SSC4D: variants seen among roughly 807,000 people sequenced by gnomAD.
SSC4D encodes the protein scavenger receptor cysteine rich family member with 4 domains, also known as scavenger receptor cysteine-rich domain-containing group B protein.
SSC4D carries 57 observed loss-of-function variants against 63.4 expected under a neutral mutation model. The ratio of observed to expected loss-of-function variants is 0.90; its 90% CI spans 0.73 to 1.12. The LOEUF is 1.12. Ranked by LOEUF, SSC4D falls within the 50% of genes most tolerant of loss-of-function variation. The probability of loss-of-function intolerance (pLI) is 0.00; values close to 1 mark genes in which losing one functional copy is unlikely to be tolerated. For missense variants in SSC4D, 791 were observed against 806.4 expected (o/e 0.98, Z 0.23); for synonymous variants, 352 against 345.4 (o/e 1.02, Z -0.21).
intron 1 of SSC4D, among the ~76,000 whole-genome samples, chr7:76,408,392 G>A (rs1279543633): frequency 6.6e-6 from 1 of 152,120 alleles, no homozygotes; most frequent in Non-Finnish European, 1.5e-5. Flanking sequence ...CCATGAGGAG[G>A]GGGAAAGACA....
At chr7:76,398,664 G>A in intron 5 of SSC4D, 56 bp downstream of exon 5, 5 of 1,538,514 alleles carry the variant, frequency 3.2e-6, no homozygotes, top group South Asian at 1.1e-5. Context: ...CCTAGGGTAG[G>A]GTGTGAGAGA....
rs867255740 is a variant in SSC4D at position 76,400,412 on chromosome 7, G to A, written c.349C>T (p.Arg117Ter). Residue 117 changes from arginine to a stop codon, truncating the protein, a stop_gained, in exon 4 of 11, where the codon CGA (arginine) becomes TGA (stop). Coordinates refer to ENST00000275560, the MANE Select transcript of SSC4D (RefSeq NM_080744.2). LOFTEE classifies it high-confidence loss of function. ...ACGTTGTCCAGCAGGATGGGGCCTCGGCCTTGGCCAAAGGCAAGGGGCCGT... is the reference window on the plus strand; with the variant it reads ...ACGTTGTCCAGCAGGATGGGGCCTCAGCCTTGGCCAAAGGCAAGGGGCCGT... ...VPRPLAFGQG[R>*]GPILLDNVEC... The A allele has an allele frequency of 1.1e-5, 18 of 1,603,530 alleles. No homozygotes were observed. Among genetic ancestry groups the A allele is most frequent in the Admixed American group, 1.7e-5 (1 of 59,140 alleles).
At chr7:76,393,379 A>C (rs1355652011) in intron 9 of SSC4D, 26 bp downstream of exon 9, 2 of 1,324,242 alleles carry the variant, frequency 1.5e-6, no homozygotes, top group Middle Eastern at 2.9e-4. Context: ...CCCCGCTGTC[A>C]GCCTCACCTT....
chr7:76,400,750 C>T, intron 3 of SSC4D, among the ~76,000 whole-genome samples, 159 bp from the exon 4 acceptor site: 1 of 152,202 alleles, frequency 6.6e-6, no homozygotes. Flanking sequence ...TCAAGTGATC[C>T]TCCTGCCTTG....
chr7:76,403,695 T>C (rs1192098337), intron 2 of SSC4D, among the ~76,000 whole-genome samples: 3 of 145,474 alleles, frequency 2.1e-5, no homozygotes, highest in African/African-American at 5.1e-5. Context: ...AGAGTCTCGC[T>C]CTGTCACCCA....
Position 76,397,730 on chromosome 7 carries a change from C to A in SSC4D, c.656G>T (p.Gly219Val), listed in dbSNP as rs1804686702. The stretch of plus-strand genomic sequence containing the variant: ...ACAGACCACAGCGGCATCCGGCAGC[C>A]CCCAGTCGTCGTCACACACGGTGCC... The part of the protein sequence containing the change: ...LWGTVCDDDW[G>V]LPDAAVVCRQ... Residue 219 changes from glycine (G) to valine (V), a missense_variant, in exon 6 of 11, where the codon GGG becomes GTG. Transcript: ENST00000275560. 1 of 1,613,252 alleles carries A rather than the reference C, an allele frequency of 6.2e-7. No individual in the cohort carries two copies. The highest frequency in any genetic ancestry group is 8.5e-7 in the Non-Finnish European group (1 of 1,179,822).
chr7:76,398,839 C>T (rs756738809), intron 4 of SSC4D, 42 bp from the exon 5 acceptor site: 1 of 1,601,776 alleles, frequency 6.2e-7, no homozygotes, highest in Non-Finnish European at 8.5e-7. Flanking sequence ...TTTCTGTTCT[C>T]CATCCTCACA....
At chr7:76,405,401 C>T (rs1584033776) in intron 1 of SSC4D, among the ~76,000 whole-genome samples, 1 of 105,178 alleles carries the variant, frequency 9.5e-6, no homozygotes, top group African/African-American at 3.7e-5. Flanking sequence ...AGGCTGGTTT[C>T]GAACTCCTGA....
At chr7:76,401,583 A>G (rs111797642) in intron 2 of SSC4D, among the ~76,000 whole-genome samples, 7,668 of 151,996 alleles carry the variant, frequency 0.05, 575 homozygotes, top group African/African-American at 0.17. Context: ...AGTCCAGCTA[A>G]TTTTTGTATT....
At chr7:76,395,850 C>G (rs1387122854) in intron 6 of SSC4D, among the ~76,000 whole-genome samples, 1 of 152,236 alleles carries the variant, frequency 6.6e-6, no homozygotes, top group Non-Finnish European at 1.5e-5. Flanking sequence ...TGCCAGCACG[C>G]CTGGCTAATT....
At chr7:76,406,849 G>C (rs6958115) in intron 1 of SSC4D, among the ~76,000 whole-genome samples, 64,253 of 151,532 alleles carry the variant, frequency 0.42, 13,808 homozygotes, top group South Asian at 0.53. Context: ...GCAGCGTTTA[G>C]TCTCTCAGAC....
intron 1 of SSC4D, among the ~76,000 whole-genome samples, chr7:76,407,231 A>C (rs548341918): frequency 1.3e-5 from 2 of 152,278 alleles, no homozygotes; most frequent in East Asian, 3.9e-4. Context: ...AAAGTGCTGG[A>C]ATTACAGGTG....
intron 9 of SSC4D, among the ~76,000 whole-genome samples, chr7:76,393,015 T>G (rs1330945323): frequency 1.3e-5 from 2 of 152,204 alleles, no homozygotes; most frequent in Non-Finnish European, 2.9e-5. Flanking sequence ...ACGCTAGCTC[T>G]GGTAAGGGTG....
At position 76,404,345 on chromosome 7, in the gene SSC4D, A is replaced by G; in HGVS notation, c.95T>C (p.Leu32Pro). The change falls in exon 2 of 11, where the codon CTC becomes CCC. Residue 32 changes from leucine to proline, a missense_variant. Transcript: ENST00000275560. ...GAGAAGGAAAGACAGGGCTTGGGGGAGGAAGGGAGGGGCAGCACTCCCATC... is the reference window on the plus strand; with the variant it reads ...GAGAAGGAAAGACAGGGCTTGGGGGGGGAAGGGAGGGGCAGCACTCCCATC... ...LGDGSAAPPFLPQALSFLLLL... is the reference protein window; with the variant it reads ...LGDGSAAPPFPPQALSFLLLL... 1 of 1,611,726 alleles carries G rather than the reference A, an allele frequency of 6.2e-7. No homozygotes were observed. The highest frequency in any genetic ancestry group is 1.3e-5 in the African/African-American group (1 of 74,958).
intron 1 of SSC4D, among the ~76,000 whole-genome samples, chr7:76,405,138 T>C (rs1328320567): frequency 6.9e-6 from 1 of 144,396 alleles, no homozygotes; most frequent in Non-Finnish European, 1.5e-5. Flanking sequence ...AGAGTCTCAC[T>C]CTGTGGCCAG....
rs908618998 is a variant in SSC4D at position 76,393,687 on chromosome 7, C to T, written c.1051G>A (p.Gly351Ser). The T allele has an allele frequency of 1.5e-5, 21 of 1,403,060 alleles. No homozygotes were observed. The highest frequency in any genetic ancestry group is 2.0e-4 in the Middle Eastern group (1 of 4,956). The allele number at this position is 1,403,060 out of a possible 1,614,324, so 86.9% of individuals were successfully genotyped here. The change falls in exon 9 of 11, where the codon GGT (glycine) becomes AGT (serine). Residue 351 changes from glycine to serine, a missense_variant. Transcript: ENST00000275560. ...SGRLRLVGGP[G>S]PCRGRVEVLH... Reference sequence around the variant, plus strand: ...ACCTCCACGCGGCCGCGGCACGGACCCGGGCCGCCCACCAGTCGCAGCCGT... The same window carrying T: ...ACCTCCACGCGGCCGCGGCACGGACTCGGGCCGCCCACCAGTCGCAGCCGT...
intron 7 of SSC4D, among the ~76,000 whole-genome samples, chr7:76,394,862 ATAAGATATT>A (rs1269935029): frequency 1.5e-5 from 2 of 133,348 alleles, no homozygotes; most frequent in African/African-American, 7.2e-5. Flanking sequence ...TATAATATAT[ATAAGATATT>A]TATTTATTTA....
At chr7:76,401,885 C>T (rs769347278) in intron 2 of SSC4D, among the ~76,000 whole-genome samples, 1 of 152,186 alleles carries the variant, frequency 6.6e-6, no homozygotes, top group Non-Finnish European at 1.5e-5. Flanking sequence ...ACTCTGTGTC[C>T]CCAGACTCTC....
chr7:76,405,099 C>CAAA (rs1804955830), intron 1 of SSC4D, among the ~76,000 whole-genome samples: 2 of 148,538 alleles, frequency 1.3e-5, no homozygotes, highest in African/African-American at 4.9e-5. Context: ...TTTAAAAATA[C>CAAA]AAAAATTAGT....
Sources: gnomAD v4.1 joint callset for allele counts (sites outside exome capture counted in the v4.1 genomes callset) on GRCh38, gnomAD v4.1.1 for gene constraint, MANE v1.5 for transcripts, NCBI Gene and HGNC (gene_info 2026-07-23, HGNC 2026-07-21) for gene names.